The following PHKB variants were observed in gnomAD, a reference collection of about 807,000 sequenced individuals.
The protein encoded by PHKB is phosphorylase kinase regulatory subunit beta.
PHKB carries 122 observed loss-of-function variants against 152.1 expected under a neutral mutation model. The observed-to-expected ratio is 0.80, with a 90% CI of 0.69 to 0.93. PHKB has a LOEUF of 0.93. PHKB is among the 40% of genes least tolerant of loss of function. The pLI is 0.00. For synonymous variants in PHKB, 436 were observed against 464.9 expected, an observed-to-expected ratio of 0.94 and a Z score of 0.80; for missense variants, 1,304 against 1,328.4, an observed-to-expected ratio of 0.98 and a Z score of 0.29.
At chr16:47,555,700 T>C (rs151276175) in intron 7 of PHKB, among the ~76,000 whole-genome samples, 3 of 152,330 alleles carry the variant, frequency 2.0e-5, no homozygotes, top group African/African-American at 7.2e-5. Context: ...TTGCCAACAA[T>C]AGAAATTGCC....
intron 7 of PHKB, chr16:47,566,429 G>GA: frequency 6.2e-7 from 1 of 1,609,220 alleles, no homozygotes; most frequent in Non-Finnish European, 8.5e-7. Flanking sequence ...ACTCTTCATT[G>GA]AGACTCAGGG....
At chr16:47,526,795 C>T (rs992827501) in intron 6 of PHKB, among the ~76,000 whole-genome samples, 1 of 152,022 alleles carries the variant, frequency 6.6e-6, no homozygotes, top group Non-Finnish European at 1.5e-5. Context: ...TGTATTAGGC[C>T]GTTCTTGCAT....
At chr16:47,610,950 A>G (rs771312070) in intron 14 of PHKB, 30 bp downstream of exon 14, 2 of 1,304,206 alleles carry the variant, frequency 1.5e-6, no homozygotes, top group East Asian at 4.6e-5. Flanking sequence ...CTTGATTTAG[A>G]CTCGTCCAGA....
chr16:47,566,448 A>G (rs1323366111), intron 7 of PHKB: 2 of 1,609,350 alleles, frequency 1.2e-6, no homozygotes, highest in African/African-American at 2.7e-5. Flanking sequence ...GGCACTGAGC[A>G]GGGAATCCAG....
chr16:47,609,159 C>T (rs1972380447), intron 13 of PHKB, among the ~76,000 whole-genome samples: 1 of 152,134 alleles, frequency 6.6e-6, no homozygotes, highest in Non-Finnish European at 1.5e-5. Context: ...TTGAAGTGAT[C>T]ACATAGTGTT....
chr16:47,468,228 T>G (rs1969703430), intron 1 of PHKB, among the ~76,000 whole-genome samples: 1 of 152,234 alleles, frequency 6.6e-6, no homozygotes, highest in Non-Finnish European at 1.5e-5. Flanking sequence ...AGAAATAGCC[T>G]GAATTCCTGT....
chr16:47,674,193 A>G (rs766867972), intron 26 of PHKB, among the ~76,000 whole-genome samples: 1 of 151,732 alleles, frequency 6.6e-6, no homozygotes, highest in Admixed American at 6.6e-5. Flanking sequence ...CAGGCCTCCA[A>G]TCTAGGATCA....
chr16:47,539,376 T>G (rs1050314919), intron 6 of PHKB, among the ~76,000 whole-genome samples: 3 of 152,148 alleles, frequency 2.0e-5, no homozygotes, highest in Non-Finnish European at 4.4e-5. Context: ...TTTTTTTTAA[T>G]ATCTAAAGTT....
intron 1 of PHKB, chr16:47,464,073 A>G (rs879003925): frequency 1.1e-6 from 1 of 928,500 alleles, no homozygotes; most frequent in South Asian, 1.3e-5. Context: ...ACTATAAGAT[A>G]TCATTATGTC....
At chr16:47,613,204 T>C (rs1270819992) in intron 14 of PHKB, among the ~76,000 whole-genome samples, 4 of 152,132 alleles carry the variant, frequency 2.6e-5, no homozygotes, top group Admixed American at 2.6e-4. Context: ...AGACTTAGGG[T>C]TGATTACTGT....
intron 1 of PHKB, among the ~76,000 whole-genome samples, chr16:47,480,452 G>A (rs1006103593): frequency 1.3e-5 from 2 of 152,014 alleles, no homozygotes; most frequent in African/African-American, 4.8e-5. Context: ...TTTTTCCTAA[G>A]TATCCTTGTA....
chr16:47,519,778 G>C (rs1230090160), intron 6 of PHKB, among the ~76,000 whole-genome samples: 1 of 152,170 alleles, frequency 6.6e-6, no homozygotes, highest in African/African-American at 2.4e-5. Flanking sequence ...GTATGATCAG[G>C]AGCCAGCCTG....
chr16:47,569,651 A>G (rs557956968), intron 7 of PHKB, among the ~76,000 whole-genome samples: 26 of 152,082 alleles, frequency 1.7e-4, no homozygotes, highest in African/African-American at 6.0e-4. Context: ...GGATGGAGTC[A>G]CTCTGTCACC....
Position 47,650,901 on chromosome 16 carries a change from G to T in PHKB, c.1951G>T (p.Val651Phe). ...LKKGIIGGVK[V>F]HVDRLQTLIS... ...AAAAGGAATAATTGGAGGAGTCAAA[G>T]TTCATGTGGATCGTCTACAGGTAGC... Residue 651 changes from valine to phenylalanine, a missense_variant, in exon 20 of 31, where the codon GTT becomes TTT. Coordinates refer to ENST00000323584, the MANE Select transcript of PHKB (RefSeq NM_000293.3). 6.2e-7 allele frequency: 1 copy of T among 1,613,060 alleles called. No homozygotes were observed. The highest frequency in any genetic ancestry group is 1.7e-5 in the Admixed American group (1 of 60,016).
intron 1 of PHKB, among the ~76,000 whole-genome samples, chr16:47,490,617 G>A (rs1305532793): frequency 6.6e-6 from 1 of 152,094 alleles, no homozygotes; most frequent in Non-Finnish European, 1.5e-5. Flanking sequence ...CAATTATGAG[G>A]CTCAAGTTTG....
At chr16:47,542,415 G>C (rs892893456) in intron 6 of PHKB, among the ~76,000 whole-genome samples, 1 of 152,138 alleles carries the variant, frequency 6.6e-6, no homozygotes. Flanking sequence ...TTGTAGTATA[G>C]TTTGAAGTCA....
chr16:47,656,169 C>T (rs1212937073), intron 20 of PHKB, among the ~76,000 whole-genome samples: 1 of 152,042 alleles, frequency 6.6e-6, no homozygotes, highest in Non-Finnish European at 1.5e-5. Flanking sequence ...AGGCATGTGC[C>T]ACCATGCCAG....
chr16:47,482,558 G>A (rs898916899), intron 1 of PHKB, among the ~76,000 whole-genome samples: 1 of 152,104 alleles, frequency 6.6e-6, no homozygotes, highest in Non-Finnish European at 1.5e-5. Context: ...TATAGAACAG[G>A]CTTCATCAAA....
At chr16:47,638,436 C>T (rs1415205156) in intron 14 of PHKB, among the ~76,000 whole-genome samples, 5 of 152,176 alleles carry the variant, frequency 3.3e-5, no homozygotes, top group Non-Finnish European at 5.9e-5. Flanking sequence ...GCACTTTGTT[C>T]TCTCCCTAAG....
Sources: allele counts gnomAD v4.1 joint callset (sites outside exome capture counted in the v4.1 genomes callset), GRCh38; gene constraint gnomAD v4.1.1; transcripts MANE v1.5; gene names NCBI Gene and HGNC (gene_info 2026-07-23, HGNC 2026-07-21).